The following SCAPER variants were observed in gnomAD, a reference collection of about 807,000 sequenced individuals.
SCAPER encodes the protein S-phase cyclin A associated protein in the ER.
In SCAPER, 98 loss-of-function variants were observed where a neutral mutation model predicts 182.2. The ratio of observed to expected loss-of-function variants is 0.54; its 90% confidence interval spans 0.46 to 0.64. SCAPER has a LOEUF of 0.64. Ranked by LOEUF, SCAPER falls within the 30% of genes least tolerant of loss-of-function variation. SCAPER has a pLI of 0.00. For missense variants in SCAPER, 1,432 were observed against 1,690.0 expected, an observed-to-expected ratio of 0.85 and a Z score of 2.68; for synonymous variants, 605 against 564.6, an observed-to-expected ratio of 1.07 and a Z score of -1.01.
chr15:76,697,789 G>A (rs112654447), intron 20 of SCAPER, among the ~76,000 whole-genome samples: 7,679 of 152,006 alleles, frequency 0.051, 234 homozygotes, highest in Middle Eastern at 0.12. Context: ...ACAGGCGCGC[G>A]TCACCATGCC....
chr15:76,426,796 T>C (rs7169825), intron 26 of SCAPER, among the ~76,000 whole-genome samples: 5,295 of 152,262 alleles, frequency 0.035, 284 homozygotes, highest in African/African-American at 0.12. Context: ...GCTGGAGGCA[T>C]CATATTAATT....
intron 26 of SCAPER, among the ~76,000 whole-genome samples, chr15:76,427,679 C>G (rs1287665624): frequency 6.6e-6 from 1 of 151,960 alleles, no homozygotes; most frequent in East Asian, 1.9e-4. Flanking sequence ...GACCCTGTCT[C>G]TATAAAAAAA....
chr15:76,763,596 G>T (rs2062931598), intron 14 of SCAPER, among the ~76,000 whole-genome samples: 1 of 151,454 alleles, frequency 6.6e-6, no homozygotes, highest in Non-Finnish European at 1.5e-5. Context: ...TCCCTATAAT[G>T]CATATATTCA....
intron 21 of SCAPER, among the ~76,000 whole-genome samples, chr15:76,653,947 A>C (rs547737467): frequency 9.8e-5 from 15 of 152,344 alleles, no homozygotes; most frequent in African/African-American, 3.6e-4. Context: ...GAAGATATTC[A>C]GAAACTATGC....
At chr15:76,845,161 A>T (rs1217452929) in intron 4 of SCAPER, among the ~76,000 whole-genome samples, 1 of 152,156 alleles carries the variant, frequency 6.6e-6, no homozygotes, top group Non-Finnish European at 1.5e-5. Flanking sequence ...GTATTTAACA[A>T]AATTCAACAT....
chr15:76,612,478 C>T (rs987898404), intron 22 of SCAPER, among the ~76,000 whole-genome samples: 4 of 152,052 alleles, frequency 2.6e-5, no homozygotes, highest in Non-Finnish European at 5.9e-5. Flanking sequence ...TCAACCAATC[C>T]GCCTGTTGTG....
intron 21 of SCAPER, among the ~76,000 whole-genome samples, chr15:76,626,881 T>C (rs1392056699): frequency 2.6e-5 from 4 of 152,090 alleles, no homozygotes; most frequent in South Asian, 2.1e-4. Context: ...CCAGAGAAAA[T>C]TGAGTAAACA....
chr15:76,620,875 G>A (rs1163782470), intron 22 of SCAPER, among the ~76,000 whole-genome samples: 2 of 152,098 alleles, frequency 1.3e-5, no homozygotes, highest in African/African-American at 4.8e-5. Flanking sequence ...AGGAGGGAGA[G>A]CATCAAGACA....
intron 5 of SCAPER, among the ~76,000 whole-genome samples, chr15:76,828,982 T>C (rs762080412): frequency 2.6e-5 from 4 of 152,238 alleles, no homozygotes; most frequent in Non-Finnish European, 4.4e-5. Context: ...GAAGTCCTTG[T>C]ATGATAAGGA....
chr15:76,768,172 C>A (rs147191628), intron 10 of SCAPER, among the ~76,000 whole-genome samples: 1 of 152,202 alleles, frequency 6.6e-6, no homozygotes, highest in African/African-American at 2.4e-5. Flanking sequence ...ACATAGAGTT[C>A]ATATAACCCA....
intron 1 of SCAPER, among the ~76,000 whole-genome samples, chr15:76,885,271 T>C (rs962146381): frequency 6.6e-6 from 1 of 152,192 alleles, no homozygotes; most frequent in African/African-American, 2.4e-5. Flanking sequence ...GTCCTCACAG[T>C]AGGTTATCAT....
At chr15:76,726,673 A>C (rs988470853) in intron 17 of SCAPER, among the ~76,000 whole-genome samples, 4 of 152,084 alleles carry the variant, frequency 2.6e-5, no homozygotes, top group African/African-American at 9.6e-5. Context: ...CTTAAAAAGG[A>C]AGAAAATCCT....
intron 22 of SCAPER, among the ~76,000 whole-genome samples, chr15:76,608,353 C>G (rs917179855): frequency 6.6e-6 from 1 of 152,156 alleles, no homozygotes; most frequent in African/African-American, 2.4e-5. Flanking sequence ...ACCGCAAATG[C>G]TGCTGCCTGA....
At chr15:76,724,927 G>A (rs553426939) in intron 17 of SCAPER, among the ~76,000 whole-genome samples, 13 of 152,122 alleles carry the variant, frequency 8.5e-5, no homozygotes, top group South Asian at 2.1e-4. Context: ...CTCTCAACGC[G>A]TCAAAGTCAT....
chr15:76,606,259 T>C (rs908291939), intron 22 of SCAPER, among the ~76,000 whole-genome samples: 38 of 152,244 alleles, frequency 2.5e-4, no homozygotes, highest in African/African-American at 9.2e-4. Context: ...TCTTTATTTC[T>C]GCCTTCATTT....
intron 26 of SCAPER, among the ~76,000 whole-genome samples, chr15:76,405,050 C>T (rs2044725763): frequency 6.6e-6 from 1 of 150,404 alleles, no homozygotes; most frequent in Non-Finnish European, 1.5e-5. Context: ...AGCCCCAATG[C>T]AAGGATTTAG....
chr15:76,519,362 A>G (rs2042672933), intron 23 of SCAPER, among the ~76,000 whole-genome samples: 3 of 152,242 alleles, frequency 2.0e-5, no homozygotes, highest in Non-Finnish European at 4.4e-5. Context: ...TAAATGGCAC[A>G]CAACACCAGG....
intron 24 of SCAPER, among the ~76,000 whole-genome samples, chr15:76,497,451 C>A (rs1413535371): frequency 6.6e-6 from 1 of 151,696 alleles, no homozygotes; most frequent in Non-Finnish European, 1.5e-5. Context: ...GCTGACGAGG[C>A]ATGGATGTAA....
intron 15 of SCAPER, among the ~76,000 whole-genome samples, chr15:76,744,714 C>T (rs542023634): frequency 4.6e-5 from 7 of 152,238 alleles, no homozygotes; most frequent in South Asian, 2.1e-4. Context: ...CACTGTGGAA[C>T]GCAGTGTGGC....
Sources: allele counts gnomAD v4.1 joint callset (sites outside exome capture counted in the v4.1 genomes callset), GRCh38; gene constraint gnomAD v4.1.1; transcripts MANE v1.5; gene names NCBI Gene and HGNC (gene_info 2026-07-23, HGNC 2026-07-21).